The following MPPED2 variants were observed in gnomAD, a reference collection of about 807,000 sequenced individuals.
The protein encoded by MPPED2 is metallophosphoesterase MPPED2.
Under a neutral mutation model 33.0 loss-of-function variants are expected in MPPED2, and 5 were observed. That is an observed-to-expected ratio of 0.15 (90% CI 0.08 to 0.32). The LOEUF is 0.32. Ranked by LOEUF, MPPED2 falls within the 10% of genes least tolerant of loss-of-function variation. MPPED2 has a pLI of 1.00. For synonymous variants in MPPED2, 136 were observed against 141.9 expected, an observed-to-expected ratio of 0.96 and a Z score of 0.29; for missense variants, 275 against 372.1, an observed-to-expected ratio of 0.74 and a Z score of 2.15.
intron 4 of MPPED2, among the ~76,000 whole-genome samples, chr11:30,487,741 G>A (rs1951803436): frequency 6.6e-6 from 1 of 152,116 alleles, no homozygotes; most frequent in Admixed American, 6.5e-5. Context: ...CTCCCAAAGT[G>A]TTGGGATTAC....
rs551517185 is a variant in MPPED2 at position 30,442,628 on chromosome 11, C to A, written c.537-24995G>T. Among the ~76,000 whole-genome samples, 53 of 152,298 alleles carry A rather than the reference C, an allele frequency of 3.5e-4. No homozygotes were observed. In the South Asian group the frequency reaches 0.01, roughly 29 times the overall value. The stretch of plus-strand genomic sequence containing the variant: ...TACAGTGACACAGAGGCTAGAGTGA[C>A]CAACTCCACCTGGGAGAGTCCCAGA... On this transcript the variant is annotated intron_variant, in intron 4 of 6. Transcript: ENST00000358117.
chr11:30,405,147 G>T (rs2150889), intron 6 of MPPED2, among the ~76,000 whole-genome samples: 19 of 152,210 alleles, frequency 1.2e-4, no homozygotes, highest in African/African-American at 4.6e-4. Context: ...AAACATGATA[G>T]CCCATTTATA....
In MPPED2 at chr11:30,413,777, C is replaced by T. The variant is rs531292115; in HGVS notation, c.766+451G>A. Among the ~76,000 whole-genome samples the T allele has an allele frequency of 5.3e-5, 8 of 152,266 alleles. No individual in the cohort carries two copies. The South Asian group carries it at 1.7e-3, about 32-fold the overall frequency. ...TATTTTTCAGAGAATGCCTTGTCTT[C>T]CTGGGTCTTTGTGTTAATTCCATAT... On this transcript the variant is annotated intron_variant, in intron 6 of 6. Coordinates refer to ENST00000358117, the MANE Select transcript of MPPED2 (RefSeq NM_001584.3).
At chr11:30,446,517 C>A (rs986646961) in intron 4 of MPPED2, among the ~76,000 whole-genome samples, 1 of 152,188 alleles carries the variant, frequency 6.6e-6, no homozygotes, top group Non-Finnish European at 1.5e-5. Flanking sequence ...AAGAAACAGC[C>A]TTCCATCTCT....
chr11:30,410,267 T>C lies in MPPED2; in HGVS notation c.*1201A>G, dbSNP rs1948055329. ...TTATTTGCATATAAAGGCCGCTAGA[T>C]ATAGAATATCACAATAAATTTAAAG... is the stretch of plus-strand genomic sequence containing the variant. On this transcript the variant is annotated 3_prime_UTR_variant, in exon 7 of 7. Coordinates refer to ENST00000358117, the MANE Select transcript of MPPED2 (RefSeq NM_001584.3). 1.0e-6 allele frequency: 1 copy of C among 985,640 alleles called. No individual in the cohort carries two copies. Among genetic ancestry groups the C allele is most frequent in the Non-Finnish European group, 1.2e-6 (1 of 829,758 alleles). The allele number at this position is 985,640 out of a possible 1,614,324, so 61.1% of individuals were successfully genotyped here.
intron 5 of MPPED2, among the ~76,000 whole-genome samples, chr11:30,416,243 C>T (rs565805076): frequency 6.6e-6 from 1 of 152,380 alleles, no homozygotes; most frequent in East Asian, 1.9e-4. Context: ...ATTCCCATGT[C>T]TGCAACAGAG....
chr11:30,483,819 T>G (rs1420056420), intron 4 of MPPED2, among the ~76,000 whole-genome samples: 1 of 152,182 alleles, frequency 6.6e-6, no homozygotes, highest in East Asian at 1.9e-4. Flanking sequence ...GGAAAGTCAG[T>G]ATATCCTATT....
chr11:30,482,590 T>C (rs1288505702), intron 4 of MPPED2, among the ~76,000 whole-genome samples: 1 of 152,204 alleles, frequency 6.6e-6, no homozygotes, highest in Admixed American at 6.5e-5. Flanking sequence ...CTACTGTTAC[T>C]TGTAGAAACT....
At chr11:30,464,456 TTCTC>T (rs1325254257) in intron 4 of MPPED2, among the ~76,000 whole-genome samples, 2 of 152,206 alleles carry the variant, frequency 1.3e-5, no homozygotes, top group Admixed American at 6.5e-5. Flanking sequence ...CATCCTTTCT[TTCTC>T]ACTTTGCCAT....
chr11:30,397,149 T>G (rs756918341), intron 6 of MPPED2, among the ~76,000 whole-genome samples: 4 of 152,184 alleles, frequency 2.6e-5, no homozygotes, highest in Non-Finnish European at 4.4e-5. Context: ...AATAAACTAA[T>G]GTAATTAAGA....
chr11:30,462,572 C>A (rs554229002), intron 4 of MPPED2, among the ~76,000 whole-genome samples: 6 of 152,110 alleles, frequency 3.9e-5, no homozygotes, highest in Non-Finnish European at 8.8e-5. Flanking sequence ...ACAATGACTT[C>A]CTTTATTAAG....
intron 4 of MPPED2, among the ~76,000 whole-genome samples, chr11:30,473,918 G>C (rs1951062276): frequency 6.6e-6 from 1 of 152,176 alleles, no homozygotes; most frequent in African/African-American, 2.4e-5. Context: ...AGTAATGTTG[G>C]AAGTGGATTC....
intron 4 of MPPED2, among the ~76,000 whole-genome samples, chr11:30,465,635 G>A (rs1436216375): frequency 6.6e-6 from 1 of 152,092 alleles, no homozygotes; most frequent in Non-Finnish European, 1.5e-5. Flanking sequence ...ACTGCACATG[G>A]AAAACAACAT....
chr11:30,509,808 G>T (rs528959418), intron 3 of MPPED2, among the ~76,000 whole-genome samples: 1 of 152,204 alleles, frequency 6.6e-6, no homozygotes, highest in South Asian at 2.1e-4. Flanking sequence ...TCCTTCCATG[G>T]AATGGGAAAC....
At chr11:30,481,691 C>T (rs1043512102) in intron 4 of MPPED2, among the ~76,000 whole-genome samples, 1 of 152,092 alleles carries the variant, frequency 6.6e-6, no homozygotes, top group Admixed American at 6.6e-5. Context: ...GACCCAGGAA[C>T]CCAAGTACCA....
At chr11:30,390,654 C>T (rs900805681) in intron 6 of MPPED2, among the ~76,000 whole-genome samples, 2 of 152,206 alleles carry the variant, frequency 1.3e-5, no homozygotes, top group African/African-American at 4.8e-5. Context: ...TAACAAAGTA[C>T]CCCAAAACCT....
chr11:30,390,917 G>A (rs550619761), intron 6 of MPPED2, among the ~76,000 whole-genome samples: 2 of 152,256 alleles, frequency 1.3e-5, no homozygotes, highest in East Asian at 3.9e-4. Flanking sequence ...TCTCAGGGCA[G>A]CATTCAAAGA....
intron 4 of MPPED2, among the ~76,000 whole-genome samples, chr11:30,430,159 A>G (rs1025578087): frequency 1.3e-5 from 2 of 152,212 alleles, no homozygotes; most frequent in Non-Finnish European, 2.9e-5. Flanking sequence ...AGGAAAGGGC[A>G]AGGCAAATTA....
intron 1 of MPPED2, among the ~76,000 whole-genome samples, chr11:30,581,679 C>T (rs1184883791): frequency 3.9e-5 from 6 of 152,188 alleles, no homozygotes; most frequent in African/African-American, 7.2e-5. Context: ...GGCAGATGGC[C>T]TGCCATAGGC....
Sources: allele counts gnomAD v4.1 joint callset (sites outside exome capture counted in the v4.1 genomes callset), GRCh38; gene constraint gnomAD v4.1.1; transcripts MANE v1.5; gene names NCBI Gene and HGNC (gene_info 2026-07-23, HGNC 2026-07-21).